Variants in PIN4 observed in about 807,000 individuals in gnomAD.
The protein encoded by PIN4 is peptidyl-prolyl cis-trans isomerase NIMA-interacting 4.
Under a neutral mutation model 8.3 loss-of-function variants are expected in PIN4, and 3 were observed. The ratio of observed to expected loss-of-function variants is 0.36; its 90% CI spans 0.16 to 0.93. The LOEUF is 0.93. PIN4 is among the 40% of genes least tolerant of loss of function. The probability of loss-of-function intolerance (pLI) is 0.44; values close to 1 mark genes in which losing one functional copy is unlikely to be tolerated. For missense variants in PIN4, 75 were observed against 100.6 expected (o/e 0.75, Z 1.09); for synonymous variants, 18 against 32.5 (o/e 0.55, Z 1.52).
chrX:72,202,587 G>A (rs2042794244), downstream of PIN4, among the ~76,000 whole-genome samples: 3 of 111,983 alleles, frequency 2.7e-5, no homozygotes, highest in African/African-American at 9.7e-5. Flanking sequence ...ATCATGGTGG[G>A]AAGCACAGGG....
chrX:72,212,906 A>C, intron 3 of PIN4, among the ~76,000 whole-genome samples: 1 of 111,756 alleles, frequency 8.9e-6, no homozygotes, highest in East Asian at 2.8e-4. Context: ...TCGTGTCACC[A>C]CTGCACTCCA....
intron 3 of PIN4, among the ~76,000 whole-genome samples, chrX:72,245,632 G>T (rs1171119839): frequency 8.9e-6 from 1 of 111,748 alleles, no homozygotes; most frequent in Non-Finnish European, 1.9e-5. Flanking sequence ...GAAAGCCATG[G>T]GATGGAGGCT....
At chrX:72,208,676 C>T (rs200564074) in intron 3 of PIN4, 6 of 1,194,737 alleles carry the variant, frequency 5.0e-6, no homozygotes, top group African/African-American at 1.8e-5. Flanking sequence ...TTCTTAGTTG[C>T]TTCTTTGGCC....
intron 3 of PIN4, 45 bp from the exon 4 acceptor site, chrX:72,197,323 C>T (rs2042771864): frequency 1.7e-6 from 2 of 1,145,017 alleles, no homozygotes; most frequent in Non-Finnish European, 2.4e-6. Context: ...AGAACTGTTC[C>T]CTCTTCTGGG....
chrX:72,255,878 A>G (rs2043108258), intron 3 of PIN4: 1 of 110,961 alleles, frequency 9.0e-6, no homozygotes, highest in Admixed American at 9.6e-5. Context: ...TTAGGGACTG[A>G]AGAAGGCTCA....
rs147848962 is a variant in PIN4, at chrX:72,209,254, G to T, written c.312+12350G>T. ...TTTAATCTCTCCTCAAGTTTTCCCA[G>T]AGCTTCCGCTCCCACCTATGTGCTC... On this transcript the variant is annotated intron_variant, in intron 3 of 3. Transcript: ENST00000423432. Among the ~76,000 whole-genome samples, 986 of 111,166 alleles carry T rather than the reference G, an allele frequency of 8.9e-3. 7 individuals carry two copies. The highest frequency in any genetic ancestry group is 0.038 in the Admixed American group (398 of 10,396).
chrX:72,253,104 C>T (rs1338287458), intron 3 of PIN4, among the ~76,000 whole-genome samples: 11 of 111,635 alleles, frequency 9.9e-5, no homozygotes, highest in Middle Eastern at 4.6e-3. Context: ...GCTCTACAAA[C>T]GGCACCACTC....
intron 3 of PIN4, among the ~76,000 whole-genome samples, chrX:72,234,608 AAG>A (rs1283869100): frequency 9.0e-6 from 1 of 111,387 alleles, no homozygotes; most frequent in Non-Finnish European, 1.9e-5. Flanking sequence ...TTAACAATGA[AAG>A]AATTGGTGGG....
chrX:72,241,747 C>T (rs1362575776), intron 3 of PIN4, among the ~76,000 whole-genome samples: 1 of 110,268 alleles, frequency 9.1e-6, no homozygotes, highest in Non-Finnish European at 1.9e-5. Flanking sequence ...ACCTGGGAGG[C>T]GGAGGTTGTG....
At chrX:72,246,015 G>A (rs1352928611) in intron 3 of PIN4, among the ~76,000 whole-genome samples, 1 of 111,557 alleles carries the variant, frequency 9.0e-6, no homozygotes, top group Non-Finnish European at 1.9e-5. Context: ...TCACAATTCT[G>A]TCTCTAGCCT....
At chrX:72,210,199 T>TAAAA (rs1406489422) in intron 3 of PIN4, among the ~76,000 whole-genome samples, 57 of 77,776 alleles carry the variant, frequency 7.3e-4, no homozygotes, top group African/African-American at 2.9e-3. Context: ...GACTGTCTCT[T>TAAAA]AAAAAATAAA....
intron 2 of PIN4, among the ~76,000 whole-genome samples, chrX:72,195,632 C>T (rs1373811304): frequency 5.4e-5 from 6 of 110,334 alleles, no homozygotes; most frequent in Admixed American, 3.9e-4. Flanking sequence ...CAGACGGAGA[C>T]TCTGTCTCAA....
chrX:72,255,304 A>AATAATAATAATG (rs1713848477), intron 3 of PIN4, among the ~76,000 whole-genome samples: 2 of 106,721 alleles, frequency 1.9e-5, no homozygotes, highest in African/African-American at 3.4e-5. Flanking sequence ...TAATAATAAT[A>AATAATAATAATG]GTAATAATAA....
intron 3 of PIN4, among the ~76,000 whole-genome samples, chrX:72,252,635 C>T (rs961017881): frequency 3.1e-4 from 35 of 112,111 alleles, no homozygotes; most frequent in Non-Finnish European, 3.4e-4. Flanking sequence ...AGTGATCTGC[C>T]CGCCTTGGCC....
In PIN4 at chrX:72,204,913, C is replaced by T. The variant is rs2042806830; in HGVS notation, c.312+8009C>T. 27 of 778,390 alleles carry T rather than the reference C, an allele frequency of 3.5e-5. No individual in the cohort carries two copies. The South Asian group carries it at 7.5e-4, about 22-fold the overall frequency. 64.1% of individuals were successfully genotyped at this position (778,390 alleles called of 1,213,427 possible). On this transcript the variant is annotated intron_variant, in intron 3 of 3. Transcript: ENST00000423432. ...AGTTGCTTTTTGAGATCTTTCTTGCCTTAAGCCTGAATGCTTCATGTTCCC... is the reference window on the plus strand; with the variant it reads ...AGTTGCTTTTTGAGATCTTTCTTGCTTTAAGCCTGAATGCTTCATGTTCCC...
At chrX:72,201,129 A>G (rs956278045), downstream of PIN4, among the ~76,000 whole-genome samples, 5 of 110,344 alleles carry the variant, frequency 4.5e-5, no homozygotes, top group Non-Finnish European at 1.9e-5. Context: ...CTTGAGCCCT[A>G]GAGTTAAGGC....
chrX:72,185,537 T>C (rs1342110396), intron 1 of PIN4, among the ~76,000 whole-genome samples: 2 of 112,390 alleles, frequency 1.8e-5, no homozygotes, highest in African/African-American at 6.5e-5. Context: ...GGAAGGTACA[T>C]GGCTTGTTCA....
At chrX:72,259,299 A>T (rs1318665113) in intron 3 of PIN4, among the ~76,000 whole-genome samples, 1 of 106,861 alleles carries the variant, frequency 9.4e-6, no homozygotes, top group African/African-American at 3.4e-5. Flanking sequence ...GCTCACTGCA[A>T]CCTCTGCCTC....
chrX:72,217,999 G>A (rs2042896646), intron 3 of PIN4, among the ~76,000 whole-genome samples: 1 of 111,506 alleles, frequency 9.0e-6, no homozygotes, highest in African/African-American at 3.3e-5. Flanking sequence ...GGCCGGGCGC[G>A]GTGGCTCATG....
Sources: allele counts gnomAD v4.1 joint callset (sites outside exome capture counted in the v4.1 genomes callset), GRCh38; gene constraint gnomAD v4.1.1; transcripts MANE v1.5; gene names NCBI Gene and HGNC (gene_info 2026-07-23, HGNC 2026-07-21).